The following EPS8 variants were observed in gnomAD, a reference collection of about 807,000 sequenced individuals.
The protein encoded by EPS8 is EGFR pathway substrate 8, signaling adaptor, also known as epidermal growth factor receptor kinase substrate 8.
In EPS8, 42 loss-of-function variants were observed where a neutral mutation model predicts 103.8. The ratio of observed to expected loss-of-function variants is 0.40; its 90% confidence interval spans 0.32 to 0.52. The LOEUF (loss-of-function observed/expected upper bound fraction) is 0.52, where lower values mean the gene tolerates loss of function less well. Ranked by LOEUF, EPS8 falls within the 20% of genes least tolerant of loss-of-function variation. The pLI is 0.40. For synonymous variants in EPS8, 344 were observed against 344.6 expected, an observed-to-expected ratio of 1.00 and a Z score of 0.02; for missense variants, 969 against 1,005.1, an observed-to-expected ratio of 0.96 and a Z score of 0.49.
chr12:15,654,223 A>G lies in EPS8; in HGVS notation c.1172T>C (p.Ile391Thr), dbSNP rs1281032761. The part of the protein sequence containing the change: ...VLSPLLNKDT[I>T]DFLNYTVNGD... ...ATTGACAGTATAATTTAAGAAATCA[A>G]TTGTGTCCTTATTCAATAGGGGACT... The change falls in exon 13 of 21, where the codon ATT becomes ACT. Residue 391 changes from isoleucine (I) to threonine (T), a missense_variant. Transcript: ENST00000281172. 1.9e-6 allele frequency: 3 copies of G among 1,613,598 alleles called. No individual in the cohort carries two copies. The highest frequency in any genetic ancestry group is 2.2e-5 in the East Asian group (1 of 44,878).
chr12:15,783,123 G>C (rs1321574785), intron 1 of EPS8, among the ~76,000 whole-genome samples: 1 of 152,178 alleles, frequency 6.6e-6, no homozygotes, highest in African/African-American at 2.4e-5. Flanking sequence ...TGCAGCTGCA[G>C]TTCCCAGCCC....
chr12:15,746,881 C>T (rs1946881308), intron 1 of EPS8, among the ~76,000 whole-genome samples: 2 of 152,258 alleles, frequency 1.3e-5, no homozygotes, highest in South Asian at 4.1e-4. Flanking sequence ...TGTTTGCATG[C>T]TCCTGAATTA....
At chr12:15,730,194 T>C (rs1946698878) in intron 1 of EPS8, among the ~76,000 whole-genome samples, 1 of 151,510 alleles carries the variant, frequency 6.6e-6, no homozygotes, top group Non-Finnish European at 1.5e-5. Context: ...ACTTTTGTAA[T>C]ACACACACAC....
rs1313723465 is a variant in EPS8, at chr12:15,748,542, T to A, written c.-22+40619A>T. ...GAATACCTACACCTTTTCTTAAAGA[T>A]CTCCAGGGAGAGAAATTCCACAGCT... On this transcript the variant is annotated intron_variant, in intron 1 of 20. Transcript: ENST00000281172. The surrounding 1 kb of genome is among the most constrained non-coding windows in gnomAD (Gnocchi z 4.8). Among the ~76,000 whole-genome samples, 1 of 152,154 alleles carries A rather than the reference T, an allele frequency of 6.6e-6. No homozygotes were observed. Among genetic ancestry groups the A allele is most frequent in the Non-Finnish European group, 1.5e-5 (1 of 68,034 alleles).
At chr12:15,648,269 A>G (rs1227011827) in intron 14 of EPS8, among the ~76,000 whole-genome samples, 1 of 152,226 alleles carries the variant, frequency 6.6e-6, no homozygotes, top group Non-Finnish European at 1.5e-5. Context: ...TATGAAAATG[A>G]GGTATGGAGA....
intron 18 of EPS8, among the ~76,000 whole-genome samples, chr12:15,629,856 C>A (rs1012065413): frequency 2.6e-5 from 4 of 152,032 alleles, no homozygotes; most frequent in African/African-American, 9.7e-5. Flanking sequence ...CACAACTGAA[C>A]AGATGTGGCA....
In EPS8 at chr12:15,693,214, C is replaced by T. The variant is rs1198159122; in HGVS notation, c.-21-10242G>A. ...TCAGGTTCTCCAAGGAAGTATCTTCCCATTCCATGTTTAGAGAATGTAAAG... is the reference window on the plus strand; with the variant it reads ...TCAGGTTCTCCAAGGAAGTATCTTCTCATTCCATGTTTAGAGAATGTAAAG... On this transcript the variant is annotated intron_variant, in intron 1 of 20. Transcript: ENST00000281172. The surrounding 1 kb of genome is among the most constrained non-coding windows in gnomAD (Gnocchi z 5.6). Among the ~76,000 whole-genome samples the T allele has an allele frequency of 6.6e-6, 1 of 152,188 alleles. No individual in the cohort carries two copies. Among genetic ancestry groups the T allele is most frequent in the Admixed American group, 6.5e-5 (1 of 15,276 alleles).
intron 1 of EPS8, among the ~76,000 whole-genome samples, chr12:15,754,142 C>A (rs1043381083): frequency 2.0e-5 from 3 of 151,916 alleles, no homozygotes; most frequent in Admixed American, 1.3e-4. Context: ...TTCTCCTTGG[C>A]ATGAATTCTC....
In EPS8 at chr12:15,698,376, A is replaced by C. The variant is rs1035765026; in HGVS notation, c.-21-15404T>G. On this transcript the variant is annotated intron_variant, in intron 1 of 20. Transcript: ENST00000281172. The surrounding 1 kb of genome is among the most constrained non-coding windows in gnomAD (Gnocchi z 4.9). ...GCAGCTCTAGCTTCTAACGAGAACTACTCAAGGAAAAGAACAAGCAGTGTC... is the reference window on the plus strand; with the variant it reads ...GCAGCTCTAGCTTCTAACGAGAACTCCTCAAGGAAAAGAACAAGCAGTGTC... Among the ~76,000 whole-genome samples, 6 of 152,160 alleles carry C rather than the reference A, an allele frequency of 3.9e-5. No homozygotes were observed. Among genetic ancestry groups the C allele is most frequent in the Non-Finnish European group, 8.8e-5 (6 of 68,034 alleles).
Position 15,706,362 on chromosome 12 carries a change from C to G in EPS8, c.-21-23390G>C, listed in dbSNP as rs1233842231. 6.6e-6 allele frequency among the ~76,000 whole-genome samples: 1 copy of G among 152,200 alleles called. No homozygotes were observed. Among genetic ancestry groups the G allele is most frequent in the South Asian group, 2.1e-4 (1 of 4,834 alleles). Reference sequence around the variant, plus strand: ...TGACAATGCCAAGTTCTTCCTTCCTCGAGGCCTATCACACTTGTCTAGAAT... The same window carrying G: ...TGACAATGCCAAGTTCTTCCTTCCTGGAGGCCTATCACACTTGTCTAGAAT... On this transcript the variant is annotated intron_variant, in intron 1 of 20. Coordinates refer to ENST00000281172, the MANE Select transcript of EPS8 (RefSeq NM_004447.6). The surrounding 1 kb of genome is among the most constrained non-coding windows in gnomAD (Gnocchi z 5.2).
chr12:15,784,182 A>G lies in EPS8; in HGVS notation c.-22+4979T>C, dbSNP rs1277903537. Among the ~76,000 whole-genome samples the G allele has an allele frequency of 6.6e-6, 1 of 152,200 alleles. No homozygotes were observed. The highest frequency in any genetic ancestry group is 1.5e-5 in the Non-Finnish European group (1 of 68,006). On this transcript the variant is annotated intron_variant, in intron 1 of 20. Transcript: ENST00000281172. The surrounding 1 kb of genome is among the most constrained non-coding windows in gnomAD (Gnocchi z 4.0). The stretch of plus-strand genomic sequence containing the variant: ...AAATTAAAGACATCTGTTCTGACAA[A>G]GACACTGTTAGGAAAATAAAAAGAC...
Position 15,784,366 on chromosome 12 carries a change from T to C in EPS8, c.-22+4795A>G, listed in dbSNP as rs1303085593. 6.6e-6 allele frequency among the ~76,000 whole-genome samples: 1 copy of C among 152,040 alleles called. No homozygotes were observed. The highest frequency in any genetic ancestry group is 1.5e-5 in the Non-Finnish European group (1 of 67,972). On this transcript the variant is annotated intron_variant, in intron 1 of 20. Transcript: ENST00000281172. This position sits in a 1 kb window ranked among gnomAD's most constrained non-coding sequence, Gnocchi z 4.0. ...CATCACACCACAGAAGATGTACAGATGAAAAGGGGTATGTGAAAAGATGTT... is the reference window on the plus strand; with the variant it reads ...CATCACACCACAGAAGATGTACAGACGAAAAGGGGTATGTGAAAAGATGTT...
chr12:15,766,919 C>T (rs891506320), intron 1 of EPS8, among the ~76,000 whole-genome samples: 7 of 152,094 alleles, frequency 4.6e-5, no homozygotes, highest in African/African-American at 1.7e-4. Flanking sequence ...ACTACATTTG[C>T]TCTATCTTTA....
intron 17 of EPS8, among the ~76,000 whole-genome samples, chr12:15,640,502 T>C (rs964201378): frequency 1.3e-5 from 2 of 152,184 alleles, no homozygotes; most frequent in Non-Finnish European, 2.9e-5. Flanking sequence ...TTGAACAATT[T>C]CTAGAAGTAA....
chr12:15,770,516 G>C (rs893577159), intron 1 of EPS8, among the ~76,000 whole-genome samples: 1 of 152,098 alleles, frequency 6.6e-6, no homozygotes, highest in Non-Finnish European at 1.5e-5. Context: ...CTAATGAGGG[G>C]AAAGGATAGA....
chr12:15,658,944 G>A (rs1186398292), intron 10 of EPS8, among the ~76,000 whole-genome samples: 1 of 152,126 alleles, frequency 6.6e-6, no homozygotes, highest in South Asian at 2.1e-4. Context: ...CAATCGTTAT[G>A]AGAAGAGACT....
chr12:15,708,099 T>C (rs1946412943), intron 1 of EPS8, among the ~76,000 whole-genome samples: 1 of 152,224 alleles, frequency 6.6e-6, no homozygotes, highest in Non-Finnish European at 1.5e-5. Flanking sequence ...GAGACAGTTA[T>C]TAAATGCATA....
chr12:15,686,670 C>A (rs1946100339), intron 1 of EPS8, among the ~76,000 whole-genome samples: 1 of 152,090 alleles, frequency 6.6e-6, no homozygotes, highest in African/African-American at 2.4e-5. Flanking sequence ...AAGGTTAACT[C>A]AGCAAATTAA....
At position 15,728,781 on chromosome 12, in the gene EPS8, C is replaced by T. The variant is rs1327148435; in HGVS notation, c.-21-45809G>A. Among the ~76,000 whole-genome samples the T allele has an allele frequency of 1.3e-4, 19 of 151,964 alleles. No individual in the cohort carries two copies. Among genetic ancestry groups the T allele is most frequent in the Non-Finnish European group, 5.9e-5 (4 of 67,994 alleles). ...GCTATTTCTAGAAATATTTAAAGCA[C>T]AATATATGTTAATATCAAACTTTGG... On this transcript the variant is annotated intron_variant, in intron 1 of 20. Coordinates refer to ENST00000281172, the MANE Select transcript of EPS8 (RefSeq NM_004447.6). This position sits in a 1 kb window ranked among gnomAD's most constrained non-coding sequence, Gnocchi z 4.5.
Sources: gnomAD v4.1 joint callset for allele counts (sites outside exome capture counted in the v4.1 genomes callset) on GRCh38, gnomAD v4.1.1 for gene constraint, Gnocchi (gnomAD v3.1) non-coding constraint, MANE v1.5 for transcripts, NCBI Gene and HGNC (gene_info 2026-07-23, HGNC 2026-07-21) for gene names.